UBR2: variants seen among roughly 807,000 people sequenced by gnomAD.
The protein encoded by UBR2 is E3 ubiquitin-protein ligase UBR2.
UBR2 carries 92 observed loss-of-function variants against 247.9 expected under a neutral mutation model. The observed-to-expected ratio is 0.37, with a 90% CI of 0.31 to 0.44. The LOEUF is 0.44. UBR2 is among the 20% of genes least tolerant of loss of function. The probability of loss-of-function intolerance (pLI) is 1.00; values close to 1 mark genes in which losing one functional copy is unlikely to be tolerated. For synonymous variants in UBR2, 672 were observed against 693.5 expected (o/e 0.97, Z 0.49); for missense variants, 1,613 against 2,112.6 (o/e 0.76, Z 4.64).
chr6:42,605,607 GAT>G, intron 5 of UBR2, 112 bp from the exon 6 acceptor site: 1 of 857,166 alleles, frequency 1.2e-6, no homozygotes, highest in Non-Finnish European at 1.7e-6. Context: ...ATTCTTTACA[GAT>G]ATGTGTCCAG....
chr6:42,617,533 T>C, intron 11 of UBR2, 26 bp downstream of exon 11: 1 of 1,544,082 alleles, frequency 6.5e-7, no homozygotes, highest in Non-Finnish European at 8.8e-7. Flanking sequence ...CTAGAAGAAC[T>C]TTCTTGTTTT....
At chr6:42,674,104 G>GTATT in intron 37 of UBR2, 22 bp from the exon 38 acceptor site, 2 of 1,606,632 alleles carry the variant, frequency 1.2e-6, no homozygotes, top group Non-Finnish European at 1.7e-6. Context: ...ATATGCTAAT[G>GTATT]TATTTCTCTT....
intron 40 of UBR2, among the ~76,000 whole-genome samples, chr6:42,677,683 G>T (rs1798793098): frequency 6.6e-6 from 1 of 152,042 alleles, no homozygotes; most frequent in Admixed American, 6.6e-5. Flanking sequence ...GGAGGTTGAG[G>T]TAGTCAGATC....
chr6:42,598,464 A>G (rs940002915), intron 4 of UBR2, among the ~76,000 whole-genome samples: 14 of 152,248 alleles, frequency 9.2e-5, no homozygotes, highest in Admixed American at 4.6e-4. Flanking sequence ...GGCTACTGAA[A>G]GCATTGTGTT....
intron 1 of UBR2, among the ~76,000 whole-genome samples, chr6:42,567,067 G>C (rs1206276375): frequency 1.3e-5 from 2 of 152,212 alleles, no homozygotes; most frequent in East Asian, 3.8e-4. Context: ...AGAGAAAACA[G>C]TGATTGTAGG....
intron 4 of UBR2, among the ~76,000 whole-genome samples, chr6:42,597,183 A>C (rs16895856): frequency 0.21 from 32,349 of 152,112 alleles, 3,486 homozygotes; most frequent in African/African-American, 0.24. Flanking sequence ...AATTTTAAGA[A>C]GACACCAGCA....
intron 7 of UBR2, among the ~76,000 whole-genome samples, chr6:42,609,265 C>T (rs1189642481): frequency 6.6e-6 from 1 of 152,078 alleles, no homozygotes; most frequent in African/African-American, 2.4e-5. Flanking sequence ...GTGTTCAGTA[C>T]AGTACTGCTT....
intron 8 of UBR2, among the ~76,000 whole-genome samples, chr6:42,614,360 A>G (rs796103677): frequency 1.3e-3 from 20 of 15,720 alleles, no homozygotes; most frequent in East Asian, 7.4e-3. Context: ...ATGTGTGTAT[A>G]TATGTGTGTA....
Position 42,659,838 on chromosome 6 carries a change from A to T in UBR2, c.3425A>T (p.Lys1142Ile). The T allele has an allele frequency of 6.2e-7, 1 of 1,614,014 alleles. No homozygotes were observed. The highest frequency in any genetic ancestry group is 8.5e-7 in the Non-Finnish European group (1 of 1,179,990). The change falls in exon 30 of 47, where the codon AAA becomes ATA. Residue 1142 changes from lysine to isoleucine, a missense_variant. Around this residue, in one of 3 missense-constraint regions of UBR2, gnomAD observed 1,524 missense variants for 1,967.3 expected, o/e 0.77. Coordinates refer to ENST00000372901, the MANE Select transcript of UBR2 (RefSeq NM_001363705.2). The surrounding 1 kb of genome is among the most constrained non-coding windows in gnomAD (Gnocchi z 4.3). ...RSTVLSKNRS[K>I]FIQDPEKYDP... ...ACTGTATTATCAAAAAACAGAAGTAAATTTATTCAAGATCCAGGTAAGTCA... is the reference window on the plus strand; with the variant it reads ...ACTGTATTATCAAAAAACAGAAGTATATTTATTCAAGATCCAGGTAAGTCA...
At chr6:42,662,071 T>C (rs1797845521) in intron 30 of UBR2, 113 bp from the exon 31 acceptor site, 1 of 648,958 alleles carries the variant, frequency 1.5e-6, no homozygotes, top group African/African-American at 1.9e-5. Context: ...AACTAGCATT[T>C]CATTTCAAAT....
chr6:42,691,293 T>C lies in UBR2; in HGVS notation c.*120T>C. On this transcript the variant is annotated 3_prime_UTR_variant, in exon 47 of 47. Coordinates refer to ENST00000372901, the MANE Select transcript of UBR2 (RefSeq NM_001363705.2). ...TTTATTTAAACTTTCCTTCCCAGTT[T>C]TATAGTTTCTGGTTCTGAGGACTGA... is the stretch of plus-strand genomic sequence containing the variant. 1 of 1,407,624 alleles carries C rather than the reference T, an allele frequency of 7.1e-7. No individual in the cohort carries two copies. Among genetic ancestry groups the C allele is most frequent in the South Asian group, 1.3e-5 (1 of 77,996 alleles). The allele number at this position is 1,407,624 out of a possible 1,614,324, so 87.2% of individuals were successfully genotyped here.
rs767312619 is a variant in UBR2, at chr6:42,572,210, CTCTT to C, written c.79-1521_79-1518del. Among the ~76,000 whole-genome samples the C allele has an allele frequency of 7.2e-4, 109 of 152,254 alleles. 2 individuals are homozygous for C. Among genetic ancestry groups the C allele is most frequent in the Admixed American group, 4.6e-4 (7 of 15,302 alleles). On this transcript the variant is annotated intron_variant, in intron 1 of 46. Coordinates refer to ENST00000372901, the MANE Select transcript of UBR2 (RefSeq NM_001363705.2). Reference sequence around the variant, plus strand: ...TTTAGTTTCACTTTAAGCATGAAAACTCTTTCACCGTTTTTGGTTATAAGCTTCT... The same window carrying C: ...TTTAGTTTCACTTTAAGCATGAAAACTCACCGTTTTTGGTTATAAGCTTCT...
intron 20 of UBR2, among the ~76,000 whole-genome samples, 185 bp downstream of exon 20, chr6:42,644,721 G>A (rs1484694189): frequency 6.6e-6 from 1 of 152,166 alleles, no homozygotes. Context: ...TAGCACCGTG[G>A]TGCTTTGGAA....
In UBR2 at chr6:42,637,202, A is replaced by G. The variant is rs762095774; in HGVS notation, c.1858+8A>G. ...TTTCTCGCTTACTTGCAGGTAAAGC[A>G]TTTCCCCTAAAATAAAACCCTAAAA... is the stretch of plus-strand genomic sequence containing the variant. On this transcript the variant is annotated splice_region_variant and intron_variant, in intron 15 of 46. Coordinates refer to ENST00000372901, the MANE Select transcript of UBR2 (RefSeq NM_001363705.2). The G allele has an allele frequency of 6.2e-7, 1 of 1,605,896 alleles. No homozygotes were observed. Among genetic ancestry groups the G allele is most frequent in the Non-Finnish European group, 8.5e-7 (1 of 1,174,790 alleles).
intron 2 of UBR2, among the ~76,000 whole-genome samples, chr6:42,574,696 CTTTTT>C (rs11305288): frequency 7.4e-6 from 1 of 135,944 alleles, no homozygotes; most frequent in African/African-American, 2.8e-5. Flanking sequence ...AGAAATTTTC[CTTTTT>C]TTTTTTTTTT....
At position 42,670,258 on chromosome 6, in the gene UBR2, G is replaced by GT. The variant is rs1369096557; in HGVS notation, c.4030+21dup. The GT allele has an allele frequency of 1.2e-6, 2 of 1,608,766 alleles. No individual in the cohort carries two copies. Among genetic ancestry groups the GT allele is most frequent in the African/African-American group, 1.3e-5 (1 of 74,956 alleles). On this transcript the variant is annotated intron_variant, in intron 35 of 46. Coordinates refer to ENST00000372901, the MANE Select transcript of UBR2 (RefSeq NM_001363705.2). The stretch of plus-strand genomic sequence containing the variant: ...AAGCATAGGTAAGAGATTTACAGCT[G>GT]TTTCTCTATAAGTCACAAGCATTCA...
At chr6:42,641,847 T>A (rs530944670) in intron 17 of UBR2, among the ~76,000 whole-genome samples, 155 bp downstream of exon 17, 92 of 152,334 alleles carry the variant, frequency 6.0e-4, no homozygotes, top group African/African-American at 2.2e-3. Context: ...TTAAAACTTT[T>A]ATTCATAGTT....
In UBR2 at chr6:42,598,285, T is replaced by A. The variant is rs116548213; in HGVS notation, c.531+3981T>A. ...ATTATATGAAATCCAAATTTTAGTG[T>A]CCATAAATAAAATGTTATTGAAGCA... On this transcript the variant is annotated intron_variant, in intron 4 of 46. Coordinates refer to ENST00000372901, the MANE Select transcript of UBR2 (RefSeq NM_001363705.2). Among the ~76,000 whole-genome samples the A allele has an allele frequency of 4.1e-3, 628 of 152,356 alleles. 4 individuals carry two copies. The highest frequency in any genetic ancestry group is 0.015 in the African/African-American group (604 of 41,576).
chr6:42,613,586 A>G (rs372133748), intron 8 of UBR2, among the ~76,000 whole-genome samples: 37 of 152,192 alleles, frequency 2.4e-4, no homozygotes, highest in Non-Finnish European at 4.6e-4. Context: ...AAGAAAATAA[A>G]TATCTTTACA....
Sources: gnomAD v4.1 joint callset for allele counts (sites outside exome capture counted in the v4.1 genomes callset) on GRCh38, gnomAD v4.1.1 for gene constraint, gnomAD v4.1.1 regional missense constraint, Gnocchi (gnomAD v3.1) non-coding constraint, MANE v1.5 for transcripts, NCBI Gene and HGNC (gene_info 2026-07-23, HGNC 2026-07-21) for gene names.